The following KCNIP4 variants were observed in gnomAD, a reference collection of about 807,000 sequenced individuals.
The protein encoded by KCNIP4 is potassium voltage-gated channel interacting protein 4.
KCNIP4 carries 12 observed loss-of-function variants against 34.0 expected under a neutral mutation model. The observed-to-expected ratio is 0.35, with a 90% confidence interval of 0.23 to 0.57. KCNIP4 has a LOEUF of 0.57. Among genes scored for constraint, KCNIP4 ranks in the 20% least tolerant of loss-of-function variants. The pLI is 0.83. For synonymous variants in KCNIP4, 124 were observed against 102.2 expected (o/e 1.21, Z -1.29); for missense variants, 238 against 311.7 (o/e 0.76, Z 1.78).
chr4:21,327,814 C>T (rs1349665534), intron 1 of KCNIP4, among the ~76,000 whole-genome samples: 1 of 151,806 alleles, frequency 6.6e-6, no homozygotes, highest in African/African-American at 2.4e-5. Flanking sequence ...CTTTCTTCTG[C>T]TTGATCAATT....
chr4:21,382,352 G>C (rs1296976505), intron 1 of KCNIP4, among the ~76,000 whole-genome samples: 1 of 152,108 alleles, frequency 6.6e-6, no homozygotes, highest in Non-Finnish European at 1.5e-5. Flanking sequence ...ATCTGACCAG[G>C]TTTATGTTAA....
At chr4:20,993,557 C>G (rs1737275656) in intron 1 of KCNIP4, among the ~76,000 whole-genome samples, 1 of 152,168 alleles carries the variant, frequency 6.6e-6, no homozygotes, top group African/African-American at 2.4e-5. Context: ...AGAAAAGTTT[C>G]CCCTACCTCA....
At chr4:21,624,483 AT>A (rs1745195505) in intron 1 of KCNIP4, among the ~76,000 whole-genome samples, 1 of 152,154 alleles carries the variant, frequency 6.6e-6, no homozygotes, top group Non-Finnish European at 1.5e-5. Flanking sequence ...TAATTATATG[AT>A]TCATATTGAT....
chr4:21,363,142 G>A (rs2109412530), intron 1 of KCNIP4, among the ~76,000 whole-genome samples: 1 of 152,222 alleles, frequency 6.6e-6, no homozygotes, highest in South Asian at 2.1e-4. Flanking sequence ...TCATACAGTA[G>A]CTACTGAAGT....
intron 1 of KCNIP4, chr4:21,697,220 G>A (rs1195713705): frequency 8.0e-7 from 1 of 1,247,550 alleles, no homozygotes; most frequent in Non-Finnish European, 1.0e-6. Flanking sequence ...AGCAAATACA[G>A]TTGCATTTTA....
At chr4:20,761,919 C>A (rs1578557352) in intron 3 of KCNIP4, among the ~76,000 whole-genome samples, 1 of 152,248 alleles carries the variant, frequency 6.6e-6, no homozygotes, top group Admixed American at 6.5e-5. Flanking sequence ...CAAACACATA[C>A]TGTATGCCTA....
chr4:21,423,910 C>T (rs955230125), intron 1 of KCNIP4, among the ~76,000 whole-genome samples: 18 of 151,456 alleles, frequency 1.2e-4, no homozygotes, highest in African/African-American at 4.8e-5. Context: ...TGGGTTCAAG[C>T]GATTCTCCTG....
chr4:21,146,828 A>G (rs1430837358), intron 1 of KCNIP4, among the ~76,000 whole-genome samples: 1 of 152,196 alleles, frequency 6.6e-6, no homozygotes, highest in Non-Finnish European at 1.5e-5. Context: ...GCATAATTGA[A>G]GTCATAGAAA....
At chr4:21,482,828 C>A (rs1362768056) in intron 1 of KCNIP4, among the ~76,000 whole-genome samples, 1 of 151,906 alleles carries the variant, frequency 6.6e-6, no homozygotes, top group African/African-American at 2.4e-5. Context: ...TTGTGGCATC[C>A]TCTATATTTC....
chr4:21,850,960 T>C (rs950034858), intron 1 of KCNIP4: 18 of 151,994 alleles, frequency 1.2e-4, no homozygotes, highest in Admixed American at 1.2e-3. Context: ...AAGCTTAGAG[T>C]CTTGCGGGGC....
intron 1 of KCNIP4, among the ~76,000 whole-genome samples, chr4:20,990,114 G>C (rs1736958818): frequency 6.6e-6 from 1 of 152,220 alleles, no homozygotes; most frequent in Non-Finnish European, 1.5e-5. Context: ...GACAAGGTCA[G>C]TGTATGACCC....
At chr4:21,216,085 C>T (rs927012392) in intron 1 of KCNIP4, among the ~76,000 whole-genome samples, 2 of 152,166 alleles carry the variant, frequency 1.3e-5, no homozygotes, top group African/African-American at 4.8e-5. Context: ...GCCACCACGC[C>T]CAGCCCAAGA....
chr4:21,195,072 T>A (rs924208047), intron 1 of KCNIP4, among the ~76,000 whole-genome samples: 5 of 152,188 alleles, frequency 3.3e-5, no homozygotes, highest in African/African-American at 7.2e-5. Flanking sequence ...TCATTTCTCC[T>A]CTATATTCTC....
At chr4:21,847,669 G>T (rs1724107862) in intron 1 of KCNIP4, 1 of 152,016 alleles carries the variant, frequency 6.6e-6, no homozygotes, top group Non-Finnish European at 1.5e-5. Context: ...TCACAAAAAT[G>T]ATTTCTTTCT....
At chr4:21,531,749 A>C (rs1736700296) in intron 1 of KCNIP4, among the ~76,000 whole-genome samples, 2 of 152,224 alleles carry the variant, frequency 1.3e-5, no homozygotes, top group South Asian at 4.1e-4. Flanking sequence ...ATCTGAAATA[A>C]TAATGATGAC....
chr4:20,918,314 C>G (rs1379432869), intron 1 of KCNIP4, among the ~76,000 whole-genome samples: 6 of 152,130 alleles, frequency 3.9e-5, no homozygotes, highest in South Asian at 2.1e-4. Context: ...GGTCCATATT[C>G]CTCTTTATTT....
chr4:21,638,710 G>C (rs143661375), intron 1 of KCNIP4, among the ~76,000 whole-genome samples: 1 of 152,146 alleles, frequency 6.6e-6, no homozygotes, highest in African/African-American at 2.4e-5. Flanking sequence ...TGCAAAGAAT[G>C]TTGCACATTT....
At chr4:21,939,991 A>AATTC (rs1247573525) in intron 1 of KCNIP4, among the ~76,000 whole-genome samples, 1 of 152,134 alleles carries the variant, frequency 6.6e-6, no homozygotes, top group Non-Finnish European at 1.5e-5. Context: ...ACATCATGTA[A>AATTC]ATTCCCAATA....
chr4:21,283,330 T>A (rs1457727202), intron 1 of KCNIP4, among the ~76,000 whole-genome samples: 1 of 152,104 alleles, frequency 6.6e-6, no homozygotes, highest in Non-Finnish European at 1.5e-5. Flanking sequence ...TATACATTTT[T>A]CCTTCATAAA....
Sources: allele counts gnomAD v4.1 joint callset (sites outside exome capture counted in the v4.1 genomes callset), GRCh38; gene constraint gnomAD v4.1.1; transcripts MANE v1.5; gene names NCBI Gene and HGNC (gene_info 2026-07-23, HGNC 2026-07-21).